CFAP53: variants seen among roughly 807,000 people sequenced by gnomAD.
CFAP53 encodes cilia and flagella associated protein 53, also known as cilia- and flagella-associated protein 53.
A neutral mutation model predicts 59.7 loss-of-function variants in CFAP53; 62 were observed. The observed-to-expected ratio is 1.04, with a 90% CI of 0.85 to 1.28. The LOEUF (loss-of-function observed/expected upper bound fraction) is 1.28. CFAP53 is among the 50% of genes most tolerant of loss of function. The pLI, the probability that CFAP53 is intolerant of heterozygous loss-of-function variation, is 0.00. For missense variants in CFAP53, 629 were observed against 615.6 expected (o/e 1.02, Z -0.23); for synonymous variants, 218 against 205.7 (o/e 1.06, Z -0.51).
At chr18:50,253,542 A>G (rs953551370) in intron 3 of CFAP53, among the ~76,000 whole-genome samples, 20 of 152,232 alleles carry the variant, frequency 1.3e-4, no homozygotes, top group Admixed American at 7.8e-4. Flanking sequence ...AGCAAAAGTT[A>G]TTAAGTGCTT....
intron 6 of CFAP53, among the ~76,000 whole-genome samples, chr18:50,242,592 G>A (rs1319518865): frequency 6.6e-6 from 1 of 152,174 alleles, no homozygotes; most frequent in East Asian, 1.9e-4. Context: ...AGATACAAAG[G>A]ACAAGGGGGA....
rs893811826 is a variant in CFAP53 at position 50,230,844 on chromosome 18, G to C, written c.1317-3235C>G. ...ACTTTTATCAGAAATAAAGATAATA[G>C]AATTTTATCAGAAATAAAGATAATG... On this transcript the variant is annotated intron_variant, in intron 7 of 7. Coordinates refer to ENST00000398545, the MANE Select transcript of CFAP53 (RefSeq NM_145020.5). Among the ~76,000 whole-genome samples the C allele has an allele frequency of 3.3e-5, 5 of 152,118 alleles. No homozygotes were observed. The East Asian group carries it at 9.6e-4, about 29-fold the overall frequency.
In CFAP53 at chr18:50,251,771, C is replaced by G; in HGVS notation, c.487G>C (p.Glu163Gln). 2 of 1,612,900 alleles carry G rather than the reference C, an allele frequency of 1.2e-6. No individual in the cohort carries two copies. The highest frequency in any genetic ancestry group is 1.7e-6 in the Non-Finnish European group (2 of 1,179,248). Residue 163 changes from glutamate to glutamine, a missense_variant, in exon 4 of 8, where the codon GAG (glutamate) becomes CAG (glutamine). Glu to Gln is a conservative substitution (Grantham distance 29). Transcript: ENST00000398545. ...ATAGATAACAATTCAACACGGAGCT[C>G]CTCACAGCGTTCCCTGAAAGGAAAA... ...LDQQFRERCEELRVELLSIHQ... is the reference protein window; with the variant it reads ...LDQQFRERCEQLRVELLSIHQ...
intron 7 of CFAP53, among the ~76,000 whole-genome samples, chr18:50,234,421 T>G (rs11660862): frequency 6.6e-6 from 1 of 151,966 alleles, no homozygotes; most frequent in Non-Finnish European, 1.5e-5. Flanking sequence ...CAAGTAAAAC[T>G]TTCCTCCCTT....
chr18:50,229,753 T>TTTTA (rs1491038856), intron 7 of CFAP53, among the ~76,000 whole-genome samples: 1 of 148,912 alleles, frequency 6.7e-6, no homozygotes, highest in Non-Finnish European at 1.5e-5. Flanking sequence ...TTTTTTTTTT[T>TTTTA]CAGACAGGGT....
chr18:50,257,247 C>T (rs1037410084), intron 3 of CFAP53, among the ~76,000 whole-genome samples: 1 of 152,136 alleles, frequency 6.6e-6, no homozygotes, highest in African/African-American at 2.4e-5. Context: ...TATTATTCAA[C>T]ATAGCACTGG....
chr18:50,240,195 A>G (rs1213990170), intron 6 of CFAP53, among the ~76,000 whole-genome samples: 1 of 148,994 alleles, frequency 6.7e-6, no homozygotes, highest in Non-Finnish European at 1.5e-5. Flanking sequence ...TGACTCATTC[A>G]GATTACCTGC....
At chr18:50,238,756 G>A in intron 6 of CFAP53, 51 bp from the exon 7 acceptor site, 2 of 1,345,530 alleles carry the variant, frequency 1.5e-6, no homozygotes, top group Non-Finnish European at 2.1e-6. Flanking sequence ...GACAAGAATT[G>A]CCAACATCTT....
At chr18:50,240,167 A>C (rs1381957372) in intron 6 of CFAP53, among the ~76,000 whole-genome samples, 1 of 143,386 alleles carries the variant, frequency 7.0e-6, no homozygotes, top group African/African-American at 2.6e-5. Context: ...TGACTCATTC[A>C]AATTACCTGC....
chr18:50,248,704 G>A (rs1257995230), intron 5 of CFAP53, among the ~76,000 whole-genome samples: 4 of 150,420 alleles, frequency 2.7e-5, no homozygotes, highest in Non-Finnish European at 5.9e-5. Flanking sequence ...AGAATCACTT[G>A]AACCCGGGAG....
intron 5 of CFAP53, among the ~76,000 whole-genome samples, chr18:50,249,712 G>A (rs1488185098): frequency 6.6e-6 from 1 of 151,974 alleles, no homozygotes; most frequent in East Asian, 1.9e-4. Context: ...GAAGGGGGTG[G>A]GGCAAGAGGG....
At chr18:50,257,862 T>C (rs527458118) in intron 3 of CFAP53, among the ~76,000 whole-genome samples, 1 of 152,264 alleles carries the variant, frequency 6.6e-6, no homozygotes, top group African/African-American at 2.4e-5. Flanking sequence ...AAACCCCGTC[T>C]CTATTAAAAA....
chr18:50,250,262 T>TA (rs2033785802), intron 5 of CFAP53, among the ~76,000 whole-genome samples: 1 of 147,060 alleles, frequency 6.8e-6, no homozygotes. Context: ...GAAGTTTAAT[T>TA]AAAAATCAAA....
intron 6 of CFAP53, among the ~76,000 whole-genome samples, chr18:50,240,005 T>A (rs1186129919): frequency 6.6e-6 from 1 of 152,258 alleles, no homozygotes; most frequent in Non-Finnish European, 1.5e-5. Context: ...GTATGTTCAA[T>A]TCTTTGCCTT....
intron 7 of CFAP53, among the ~76,000 whole-genome samples, chr18:50,232,606 C>T (rs1442894301): frequency 1.3e-5 from 2 of 152,202 alleles, no homozygotes; most frequent in Non-Finnish European, 2.9e-5. Flanking sequence ...AAAAGACTGC[C>T]CTGATGATCA....
intron 5 of CFAP53, among the ~76,000 whole-genome samples, chr18:50,243,746 C>T (rs906742214): frequency 2.0e-5 from 3 of 151,920 alleles, no homozygotes; most frequent in East Asian, 3.9e-4. Context: ...GGTCAGGAGA[C>T]TGAGACCATC....
rs763540138 is a variant in CFAP53, at chr18:50,250,823, T to G, written c.931A>C (p.Met311Leu). The change falls in exon 5 of 8, where the codon ATG becomes CTG. Residue 311 changes from methionine (M) to leucine (L), a missense_variant. Coordinates refer to ENST00000398545, the MANE Select transcript of CFAP53 (RefSeq NM_145020.5). ...QEYRDEQDLN[M>L]KLVQRALQDL... ...TGAAGGGCCCTTTGCACGAGCTTCA[T>G]GTTCAAGTCCTGTTCGTCTCTGTAT... 1 of 1,614,214 alleles carries G rather than the reference T, an allele frequency of 6.2e-7. No homozygotes were observed. The highest frequency in any genetic ancestry group is 1.1e-5 in the South Asian group (1 of 91,084).
intron 5 of CFAP53, among the ~76,000 whole-genome samples, chr18:50,249,848 T>C (rs1568155853): frequency 6.6e-6 from 1 of 152,170 alleles, no homozygotes; most frequent in Non-Finnish European, 1.5e-5. Flanking sequence ...GATATTACCA[T>C]TGAGGGAACC....
chr18:50,233,390 AG>A (rs1568150312), intron 7 of CFAP53, among the ~76,000 whole-genome samples: 1 of 152,216 alleles, frequency 6.6e-6, no homozygotes, highest in African/African-American at 2.4e-5. Context: ...GCCTCACTTA[AG>A]CAGCGTCACC....
Sources: gnomAD v4.1 joint callset for allele counts (sites outside exome capture counted in the v4.1 genomes callset) on GRCh38, gnomAD v4.1.1 for gene constraint, MANE v1.5 for transcripts, NCBI Gene and HGNC (gene_info 2026-07-23, HGNC 2026-07-21) for gene names.